Variants in UST observed in about 807,000 individuals in gnomAD.
The protein encoded by UST is uronyl 2-sulfotransferase, also known as chondroitin sulfate 2-O-sulfotransferase.
In UST, 21 loss-of-function variants were observed where a neutral mutation model predicts 45.6. The ratio of observed to expected loss-of-function variants is 0.46; its 90% CI spans 0.33 to 0.66. The LOEUF is 0.66. Ranked by LOEUF, UST falls within the 30% of genes least tolerant of loss-of-function variation. The pLI is 0.02. For synonymous variants in UST, 215 were observed against 200.6 expected, an observed-to-expected ratio of 1.07 and a Z score of -0.61; for missense variants, 463 against 512.4, an observed-to-expected ratio of 0.90 and a Z score of 0.93.
chr6:148,954,620 GC>G (rs1357822694), intron 4 of UST, among the ~76,000 whole-genome samples: 1 of 152,134 alleles, frequency 6.6e-6, no homozygotes, highest in Non-Finnish European at 1.5e-5. Context: ...AGTAGGCCGT[GC>G]CATCGAGGTT....
At chr6:148,820,088 T>C (rs1260941453) in intron 1 of UST, among the ~76,000 whole-genome samples, 1 of 152,186 alleles carries the variant, frequency 6.6e-6, no homozygotes, top group Non-Finnish European at 1.5e-5. Flanking sequence ...CAGGTCTGGC[T>C]CCTTTGTGTT....
At chr6:148,962,488 T>C (rs1780682165) in intron 4 of UST, among the ~76,000 whole-genome samples, 1 of 152,264 alleles carries the variant, frequency 6.6e-6, no homozygotes, top group Admixed American at 6.5e-5. Context: ...CTTGTCTTCC[T>C]AGTCCCTAGC....
At chr6:148,939,186 G>T (rs1333158821) in intron 2 of UST, among the ~76,000 whole-genome samples, 1 of 152,062 alleles carries the variant, frequency 6.6e-6, no homozygotes, top group Admixed American at 6.6e-5. Context: ...AAACATCAAA[G>T]AAACGAATTA....
At chr6:148,786,173 G>A (rs768116424) in intron 1 of UST, among the ~76,000 whole-genome samples, 2 of 151,298 alleles carry the variant, frequency 1.3e-5, no homozygotes, top group South Asian at 4.2e-4. Flanking sequence ...TCAATTTTTA[G>A]ACTAACTTTA....
Position 149,053,364 on chromosome 6 carries a change from T to C in UST, c.938-20469T>C, listed in dbSNP as rs561783431. On this transcript the variant is annotated intron_variant, in intron 7 of 7. Transcript: ENST00000367463. ...CTTCAGATATTTCCACAAAGCCCTTTGTTACTCATGAATCCCATCAAGATG... is the reference window on the plus strand; with the variant it reads ...CTTCAGATATTTCCACAAAGCCCTTCGTTACTCATGAATCCCATCAAGATG... 1.3e-3 allele frequency among the ~76,000 whole-genome samples: 201 copies of C among 152,318 alleles called. 2 individuals carry two copies. In the Middle Eastern group the frequency reaches 0.031, roughly 23 times the overall value.
At chr6:148,784,932 G>A (rs769355655) in intron 1 of UST, among the ~76,000 whole-genome samples, 5 of 152,184 alleles carry the variant, frequency 3.3e-5, no homozygotes, top group East Asian at 1.9e-4. Flanking sequence ...ATATGTGGCC[G>A]GGCGCAGTGG....
chr6:148,989,688 G>C (rs1781311075), intron 5 of UST, among the ~76,000 whole-genome samples: 1 of 152,190 alleles, frequency 6.6e-6, no homozygotes, highest in South Asian at 2.1e-4. Flanking sequence ...AGCCTCCCAA[G>C]AAGGGAGCCT....
chr6:148,844,711 G>A (rs1777951723), intron 1 of UST, among the ~76,000 whole-genome samples: 4 of 152,144 alleles, frequency 2.6e-5, no homozygotes, highest in East Asian at 1.9e-4. Flanking sequence ...GTGTAGGATT[G>A]TTACATGGGT....
At chr6:148,820,712 G>A (rs1003968183) in intron 1 of UST, among the ~76,000 whole-genome samples, 7 of 151,634 alleles carry the variant, frequency 4.6e-5, no homozygotes, top group Non-Finnish European at 2.9e-5. Context: ...AATTAGCCAG[G>A]TGTGGTGGTG....
intron 1 of UST, among the ~76,000 whole-genome samples, chr6:148,801,421 A>G (rs543873905): frequency 6.6e-6 from 1 of 152,302 alleles, no homozygotes; most frequent in South Asian, 2.1e-4. Flanking sequence ...ACTAGATGGT[A>G]GGGTAGATTT....
chr6:148,810,069 T>C (rs1335387248), intron 1 of UST, among the ~76,000 whole-genome samples: 1 of 152,168 alleles, frequency 6.6e-6, no homozygotes, highest in African/African-American at 2.4e-5. Context: ...CCAAAGTCAA[T>C]TTTAGGATGC....
At chr6:148,925,012 C>A (rs1435316890) in intron 2 of UST, among the ~76,000 whole-genome samples, 1 of 152,154 alleles carries the variant, frequency 6.6e-6, no homozygotes, top group Non-Finnish European at 1.5e-5. Flanking sequence ...ATTCCTCATG[C>A]AGAAACTGAT....
chr6:148,827,805 T>C (rs1185990337), intron 1 of UST, among the ~76,000 whole-genome samples: 2 of 151,700 alleles, frequency 1.3e-5, no homozygotes, highest in Non-Finnish European at 2.9e-5. Flanking sequence ...AAGAAAAACT[T>C]GACATGATAT....
rs529618949 is a variant in UST, at chr6:148,931,449, G to A, written c.292-9830G>A. Among the ~76,000 whole-genome samples, 11 of 152,302 alleles carry A rather than the reference G, an allele frequency of 7.2e-5. No individual in the cohort carries two copies. In the South Asian group the frequency reaches 2.3e-3, roughly 32 times the overall value. On this transcript the variant is annotated intron_variant, in intron 2 of 7. Coordinates refer to ENST00000367463, the MANE Select transcript of UST (RefSeq NM_005715.3). ...TCAAATTAAGTGTGTGGGTCTAGTG[G>A]AGAGATTATCTATCCAAACGCATTT...
At chr6:148,908,288 G>A (rs1779406146) in intron 2 of UST, among the ~76,000 whole-genome samples, 1 of 152,048 alleles carries the variant, frequency 6.6e-6, no homozygotes, top group African/African-American at 2.4e-5. Flanking sequence ...TTTTGAGTAG[G>A]TATATATAGT....
intron 7 of UST, among the ~76,000 whole-genome samples, chr6:149,039,415 G>T (rs1202629572): frequency 6.6e-6 from 1 of 151,980 alleles, no homozygotes; most frequent in African/African-American, 2.4e-5. Context: ...TAGGAGAGAC[G>T]GGGTTTCTCC....
At chr6:148,856,721 T>C (rs1412318153) in intron 1 of UST, among the ~76,000 whole-genome samples, 1 of 152,178 alleles carries the variant, frequency 6.6e-6, no homozygotes, top group Non-Finnish European at 1.5e-5. Flanking sequence ...GCCTTTGAAC[T>C]GACTAGAATA....
At chr6:148,862,354 A>G (rs938173132) in intron 1 of UST, among the ~76,000 whole-genome samples, 5 of 152,140 alleles carry the variant, frequency 3.3e-5, no homozygotes, top group Non-Finnish European at 7.4e-5. Context: ...TGCTTGGTAG[A>G]TCTTCCTCCA....
chr6:148,943,991 A>C (rs1780182744), intron 3 of UST, among the ~76,000 whole-genome samples: 1 of 152,220 alleles, frequency 6.6e-6, no homozygotes, highest in Non-Finnish European at 1.5e-5. Flanking sequence ...GAAGTTCAAC[A>C]ACATTTAGAG....
Sources: gnomAD v4.1 joint callset for allele counts (sites outside exome capture counted in the v4.1 genomes callset) on GRCh38, gnomAD v4.1.1 for gene constraint, MANE v1.5 for transcripts, NCBI Gene and HGNC (gene_info 2026-07-23, HGNC 2026-07-21) for gene names.